NSD2: variants seen among roughly 807,000 people sequenced by gnomAD.
NSD2 encodes histone-lysine N-methyltransferase NSD2.
Under a neutral mutation model 139.0 loss-of-function variants are expected in NSD2, and 12 were observed. The observed-to-expected ratio is 0.09, with a 90% CI of 0.06 to 0.14. The LOEUF (loss-of-function observed/expected upper bound fraction) is 0.14, where lower values mean the gene tolerates loss of function less well. Ranked by LOEUF, NSD2 falls within the 10% of genes least tolerant of loss-of-function variation. The pLI, the probability that NSD2 is intolerant of heterozygous loss-of-function variation, is 1.00. For synonymous variants in NSD2, 669 were observed against 648.7 expected, an observed-to-expected ratio of 1.03 and a Z score of -0.48; for missense variants, 1,155 against 1,745.0, an observed-to-expected ratio of 0.66 and a Z score of 6.02.
At chr4:1,947,710 G>A (rs1019102069) in intron 9 of NSD2, 6 of 1,052,722 alleles carry the variant, frequency 5.7e-6, no homozygotes, top group Admixed American at 1.1e-4. Context: ...GGTACTTCTC[G>A]CCATCAGCTT....
At chr4:1,966,452 C>G (rs1467137719) in intron 18 of NSD2, among the ~76,000 whole-genome samples, 1 of 152,024 alleles carries the variant, frequency 6.6e-6, no homozygotes, top group Non-Finnish European at 1.5e-5. Context: ...GTCAGGAGAT[C>G]GAGATCATCC....
intron 10 of NSD2, 160 bp from the exon 11 acceptor site, chr4:1,951,948 C>A: frequency 8.8e-7 from 1 of 1,138,832 alleles, no homozygotes; most frequent in Non-Finnish European, 1.2e-6. Context: ...TTTGTACGTT[C>A]TGTTTGGGCC....
intron 1 of NSD2, among the ~76,000 whole-genome samples, chr4:1,897,177 A>G (rs535763502): frequency 1.3e-5 from 2 of 149,800 alleles, no homozygotes; most frequent in African/African-American, 4.9e-5. Context: ...CTCAAAGGAA[A>G]AAAAAAAAAG....
At chr4:1,871,874 C>G (rs1350648008) in intron 1 of NSD2, among the ~76,000 whole-genome samples, 1 of 64,006 alleles carries the variant, frequency 1.6e-5, no homozygotes, top group Admixed American at 1.6e-4. Context: ...CTAACGGGGC[C>G]GGGCGGGCGG....
At chr4:1,874,291 G>A (rs913725202) in intron 1 of NSD2, among the ~76,000 whole-genome samples, 3 of 152,084 alleles carry the variant, frequency 2.0e-5, no homozygotes, top group African/African-American at 7.2e-5. Flanking sequence ...CTCCAAATAC[G>A]TGGTACCATG....
At chr4:1,911,451 G>C (rs1014586335) in intron 3 of NSD2, among the ~76,000 whole-genome samples, 2 of 151,906 alleles carry the variant, frequency 1.3e-5, no homozygotes, top group African/African-American at 4.8e-5. Flanking sequence ...AGCTGGGTGT[G>C]GTCCCAGGCG....
At chr4:1,935,814 T>C (rs536833617) in intron 7 of NSD2, among the ~76,000 whole-genome samples, 156 of 152,036 alleles carry the variant, frequency 1.0e-3, no homozygotes, top group Non-Finnish European at 1.5e-3. Flanking sequence ...TGAGCTGAGA[T>C]CATGCCACTG....
At chr4:1,879,377 C>T (rs918300850) in intron 1 of NSD2, among the ~76,000 whole-genome samples, 9 of 151,996 alleles carry the variant, frequency 5.9e-5, no homozygotes, top group Non-Finnish European at 1.2e-4. Flanking sequence ...CGCCACCATG[C>T]CCGGCTAATT....
Position 1,955,081 on chromosome 4 carries a change from C to A in NSD2, c.2339-80C>A. 7.1e-7 allele frequency: 1 copy of A among 1,399,302 alleles called. No homozygotes were observed. The highest frequency in any genetic ancestry group is 9.7e-7 in the Non-Finnish European group (1 of 1,029,368). The allele number at this position is 1,399,302 out of a possible 1,614,324, so 86.7% of individuals were successfully genotyped here. ...CATTAACTTTTCAAATTCATGGAGG[C>A]TGAGTAATTATTAGTTGCTCTTTTC... On this transcript the variant is annotated intron_variant, in intron 12 of 21. Transcript: ENST00000508803. The surrounding 1 kb of genome is among the most constrained non-coding windows in gnomAD (Gnocchi z 4.7).
chr4:1,945,731 C>T lies in NSD2; in HGVS notation c.1882-5341C>T, dbSNP rs574758845. 3.4e-5 allele frequency: 36 copies of T among 1,063,848 alleles called. No homozygotes were observed. The African/African-American group carries it at 5.4e-4, about 16-fold the overall frequency. The allele number at this position is 1,063,848 out of a possible 1,614,324, so 65.9% of individuals were successfully genotyped here. The stretch of plus-strand genomic sequence containing the variant: ...TGAGTTGAAAGGGTTGCCTTGGCAG[C>T]AGAGGCTCCTCTGATGGCTGACATC... On this transcript the variant is annotated intron_variant, in intron 9 of 21. Coordinates refer to ENST00000508803, the MANE Select transcript of NSD2 (RefSeq NM_001042424.3).
At chr4:1,906,901 T>A (rs529601791) in intron 3 of NSD2, among the ~76,000 whole-genome samples, 11 of 152,016 alleles carry the variant, frequency 7.2e-5, no homozygotes, top group Non-Finnish European at 1.0e-4. Context: ...CCTCAAGTGA[T>A]CTGCCCACCT....
At chr4:1,961,325 G>T (rs527691008) in intron 18 of NSD2, among the ~76,000 whole-genome samples, 174 bp downstream of exon 18, 2 of 152,136 alleles carry the variant, frequency 1.3e-5, no homozygotes, top group Non-Finnish European at 2.9e-5. Flanking sequence ...CAGCTGCGCC[G>T]GAGGGCTAGA....
intron 9 of NSD2, chr4:1,940,469 C>G (rs1032904328): frequency 2.8e-6 from 3 of 1,063,468 alleles, no homozygotes; most frequent in Non-Finnish European, 3.4e-6. Context: ...TTTGCCGTTG[C>G]CAAAAACAAC....
chr4:1,910,783 T>C (rs10026943), intron 3 of NSD2, among the ~76,000 whole-genome samples: 3 of 152,182 alleles, frequency 2.0e-5, no homozygotes, highest in African/African-American at 7.2e-5. Context: ...GATTGTGGAT[T>C]TGCTGTTTTT....
In NSD2 at chr4:1,956,574, CAG is replaced by C. The variant is rs879742764; in HGVS notation, c.2881+387_2881+388del. ...CTTTACCTTTCAGTGCATGAGGAAT[CAG>C]GGGTGGTCAAGCAGACAAGGTGCTT... On this transcript the variant is annotated intron_variant, in intron 15 of 21. Transcript: ENST00000508803. This position sits in a 1 kb window ranked among gnomAD's most constrained non-coding sequence, Gnocchi z 5.3. Among the ~76,000 whole-genome samples the C allele has an allele frequency of 2.6e-5, 4 of 152,102 alleles. No individual in the cohort carries two copies. Among genetic ancestry groups the C allele is most frequent in the Admixed American group, 6.5e-5 (1 of 15,274 alleles).
intron 18 of NSD2, among the ~76,000 whole-genome samples, chr4:1,962,446 G>C (rs1376960172): frequency 6.6e-6 from 1 of 152,194 alleles, no homozygotes; most frequent in African/African-American, 2.4e-5. Flanking sequence ...AAAGTGTTGT[G>C]GCTGCGCAAG....
At chr4:1,967,305 C>G (rs79404586) in intron 18 of NSD2, among the ~76,000 whole-genome samples, 4,692 of 152,282 alleles carry the variant, frequency 0.031, 236 homozygotes, top group African/African-American at 0.11. Context: ...AGAGGCCGGG[C>G]ACGGTGGCTC....
chr4:1,941,395 A>AT (rs1723080092), intron 9 of NSD2: 1 of 1,049,836 alleles, frequency 9.5e-7, no homozygotes. Flanking sequence ...ATCCTAAGTC[A>AT]TGTATATCGA....
In NSD2 at chr4:1,955,530, T is replaced by G. The variant is rs1724723136; in HGVS notation, c.2519-163T>G. 8.1e-7 allele frequency: 1 copy of G among 1,229,494 alleles called. No individual in the cohort carries two copies. The highest frequency in any genetic ancestry group is 1.1e-6 in the Non-Finnish European group (1 of 912,122). The allele number at this position is 1,229,494 out of a possible 1,614,324, so 76.2% of individuals were successfully genotyped here. ...ATTTCGCAAACATACAGGAAATTATTTGTGGTGAAAATGACATTTGCTCTC... is the reference window on the plus strand; with the variant it reads ...ATTTCGCAAACATACAGGAAATTATGTGTGGTGAAAATGACATTTGCTCTC... On this transcript the variant is annotated intron_variant, in intron 13 of 21. Transcript: ENST00000508803. This position sits in a 1 kb window ranked among gnomAD's most constrained non-coding sequence, Gnocchi z 4.7.
Sources: allele counts gnomAD v4.1 joint callset (sites outside exome capture counted in the v4.1 genomes callset), GRCh38; gene constraint gnomAD v4.1.1; non-coding constraint Gnocchi (gnomAD v3.1); transcripts MANE v1.5; gene names NCBI Gene and HGNC (gene_info 2026-07-23, HGNC 2026-07-21).